RYR2: variants seen among roughly 807,000 people sequenced by gnomAD.
RYR2 encodes ryanodine receptor 2.
A neutral mutation model predicts 601.1 loss-of-function variants in RYR2; 227 were observed. The ratio of observed to expected loss-of-function variants is 0.38; its 90% CI spans 0.34 to 0.42. The LOEUF (loss-of-function observed/expected upper bound fraction) is 0.42. RYR2 is among the 10% of genes least tolerant of loss of function. The pLI, the probability that RYR2 is intolerant of heterozygous loss-of-function variation, is 1.00. For synonymous variants in RYR2, 2,223 were observed against 2,175.1 expected (o/e 1.02, Z -0.61); for missense variants, 4,646 against 6,156.5 (o/e 0.75, Z 8.21).
At chr1:237,088,576 T>A (rs1666615592) in intron 1 of RYR2, among the ~76,000 whole-genome samples, 1 of 152,222 alleles carries the variant, frequency 6.6e-6, no homozygotes, top group South Asian at 2.1e-4. Context: ...TGTACGTTTC[T>A]TTTTCTAAGT....
At chr1:237,627,764 T>C in intron 40 of RYR2, 43 bp from the exon 41 acceptor site, 3 of 1,513,734 alleles carry the variant, frequency 2.0e-6, no homozygotes, top group Non-Finnish European at 2.7e-6. Flanking sequence ...TGATTTGTCT[T>C]CTCTTATTTT....
At position 237,500,707 on chromosome 1, in the gene RYR2, A is replaced by G. The variant is rs375587672; in HGVS notation, c.2204-4A>G. 3 of 1,591,982 alleles carry G rather than the reference A, an allele frequency of 1.9e-6. No individual in the cohort carries two copies. Among genetic ancestry groups the G allele is most frequent in the East Asian group, 2.2e-5 (1 of 44,486 alleles). On this transcript the variant is annotated splice_region_variant and splice_polypyrimidine_tract_variant and intron_variant, in intron 20 of 104. Transcript: ENST00000366574. The stretch of plus-strand genomic sequence containing the variant: ...GACCTTCCTTAATGTTTTCCCCCCA[A>G]TAGGTTGTATTGCTCGTACTGTAAG...
chr1:237,767,135 C>T (rs74412575), intron 84 of RYR2, among the ~76,000 whole-genome samples: 1,686 of 152,222 alleles, frequency 0.011, 15 homozygotes, highest in Non-Finnish European at 0.018. Context: ...CATGATGAAA[C>T]GAAGGCTCAG....
rs555776600 is a variant in RYR2 at position 237,484,461 on chromosome 1, C to T, written c.1709-7345C>T. On this transcript the variant is annotated intron_variant, in intron 17 of 104. Transcript: ENST00000366574. ...AGCGTCATGGCTTGCTTTGTCCCCA[C>T]GTTGGCCTCCTGTGCCTGTGTGGCT... is the stretch of plus-strand genomic sequence containing the variant. 3.3e-5 allele frequency among the ~76,000 whole-genome samples: 5 copies of T among 152,192 alleles called. 1 individual carries two copies. The highest frequency in any genetic ancestry group is 4.1e-4 in the South Asian group (2 of 4,832).
At chr1:237,145,671 T>C (rs186343283) in intron 1 of RYR2, among the ~76,000 whole-genome samples, 1 of 152,188 alleles carries the variant, frequency 6.6e-6, no homozygotes, top group Non-Finnish European at 1.5e-5. Context: ...AGACCTACTA[T>C]ACCCATAAAC....
At chr1:237,073,315 T>C (rs1179814009) in intron 1 of RYR2, among the ~76,000 whole-genome samples, 1 of 152,146 alleles carries the variant, frequency 6.6e-6, no homozygotes, top group African/African-American at 2.4e-5. Flanking sequence ...ATATACAACG[T>C]GGACCACACA....
At chr1:237,587,924 G>A (rs751845088) in intron 29 of RYR2, among the ~76,000 whole-genome samples, 1 of 152,100 alleles carries the variant, frequency 6.6e-6, no homozygotes, top group Non-Finnish European at 1.5e-5. Context: ...TTTCTATCTT[G>A]GTAGCTCCTA....
intron 1 of RYR2, among the ~76,000 whole-genome samples, chr1:237,190,353 A>G (rs1465189650): frequency 6.6e-6 from 1 of 152,106 alleles, no homozygotes; most frequent in Admixed American, 6.6e-5. Context: ...CATTTCTCTT[A>G]TTGAGGTATT....
chr1:237,406,167 T>C (rs1284482506), intron 10 of RYR2, among the ~76,000 whole-genome samples: 5 of 33,646 alleles, frequency 1.5e-4, no homozygotes, highest in African/African-American at 5.0e-4. Flanking sequence ...TCCCTTCCCT[T>C]CCCTTCCCTC....
In RYR2 at chr1:237,137,107, A is replaced by G. The variant is rs544368666; in HGVS notation, c.48+94538A>G. 2.6e-5 allele frequency among the ~76,000 whole-genome samples: 4 copies of G among 151,718 alleles called. No individual in the cohort carries two copies. In the South Asian group the frequency reaches 6.2e-4, roughly 24 times the overall value. On this transcript the variant is annotated intron_variant, in intron 1 of 104. Coordinates refer to ENST00000366574, the MANE Select transcript of RYR2 (RefSeq NM_001035.3). ...TACCATACTGTTCATGGGCTATACT[A>G]TGGACTTTGCAAAAGTTTACTTTAC...
rs368974917 is a variant in RYR2 at position 237,270,524 on chromosome 1, G to A, written c.76G>A (p.Ala26Thr). 2.7e-5 allele frequency: 43 copies of A among 1,591,684 alleles called. No individual in the cohort carries two copies. Among genetic ancestry groups the A allele is most frequent in the Admixed American group, 2.1e-4 (12 of 56,470 alleles). ...TGATGAAGTGGTTCTGCAGTGCACC[G>A]CAACCATCCACAAAGAACAACAGAA... Reference protein sequence around the residue: ...TDDEVVLQCTATIHKEQQKLC... With the variant: ...TDDEVVLQCTTTIHKEQQKLC... The change falls in exon 2 of 105, where the codon GCA (alanine) becomes ACA (threonine). Residue 26 changes from alanine (A) to threonine (T), a missense_variant. Around this residue, in one of 17 missense-constraint regions of RYR2, gnomAD observed 153 missense variants for 203.6 expected, o/e 0.75. Coordinates refer to ENST00000366574, the MANE Select transcript of RYR2 (RefSeq NM_001035.3).
At chr1:237,350,597 A>T (rs1399767368) in intron 3 of RYR2, among the ~76,000 whole-genome samples, 4 of 95,382 alleles carry the variant, frequency 4.2e-5, no homozygotes, top group African/African-American at 1.3e-4. Flanking sequence ...AAAAAAAAAA[A>T]AAAAAATATA....
In RYR2 at chr1:237,589,926, C is replaced by T. The variant is rs1327517169; in HGVS notation, c.3732C>T (p.Asn1244=). 1 of 1,613,898 alleles carries T rather than the reference C, an allele frequency of 6.2e-7. No homozygotes were observed. ...EGYEPFAVNT[N]RDITMWLSKR... ...ATGAACCATTTGCCGTTAATACAAA[C>T]AGGGATATTACCATGTGGCTGAGCA... Residue 1244 remains asparagine, a synonymous_variant, in exon 30 of 105, where the codon AAC becomes AAT. Coordinates refer to ENST00000366574, the MANE Select transcript of RYR2 (RefSeq NM_001035.3).
At chr1:237,798,780 A>G (rs1399388694) in intron 97 of RYR2, among the ~76,000 whole-genome samples, 4 of 86,668 alleles carry the variant, frequency 4.6e-5, no homozygotes, top group African/African-American at 1.5e-4. Context: ...TAAATGTCAC[A>G]CACACACACA....
intron 1 of RYR2, among the ~76,000 whole-genome samples, chr1:237,191,415 T>TG (rs1281093813): frequency 2.5e-5 from 3 of 119,510 alleles, no homozygotes; most frequent in South Asian, 2.6e-4. Context: ...TTGAATTTTA[T>TG]GGGTTTTTTT....
At position 237,080,660 on chromosome 1, in the gene RYR2, G is replaced by A. The variant is rs983161974; in HGVS notation, c.48+38091G>A. Among the ~76,000 whole-genome samples, 2 of 65,080 alleles carry A rather than the reference G, an allele frequency of 3.1e-5. 1 individual carries two copies. Among genetic ancestry groups the A allele is most frequent in the Non-Finnish European group, 8.1e-5 (2 of 24,552 alleles). The allele number at this position is 65,080 out of a possible 152,430, so 42.7% of individuals were successfully genotyped here. On this transcript the variant is annotated intron_variant, in intron 1 of 104. Transcript: ENST00000366574. ...TGCTGGAGAGGATGTGGAGAAATAG[G>A]AACACTTTTACACTGTTGGTGGGAC...
intron 2 of RYR2, among the ~76,000 whole-genome samples, chr1:237,301,855 G>A (rs868443171): frequency 2.0e-5 from 3 of 152,132 alleles, no homozygotes; most frequent in Admixed American, 1.3e-4. Flanking sequence ...GAGAGAAAAA[G>A]CTAGAGATGA....
intron 2 of RYR2, among the ~76,000 whole-genome samples, chr1:237,291,369 C>G (rs186499044): frequency 2.0e-4 from 31 of 152,174 alleles, no homozygotes; most frequent in African/African-American, 7.0e-4. Context: ...CTTTGGAGAA[C>G]AGTTTGGCAG....
At chr1:237,135,941 G>A (rs1370264634) in intron 1 of RYR2, among the ~76,000 whole-genome samples, 1 of 152,198 alleles carries the variant, frequency 6.6e-6, no homozygotes, top group East Asian at 1.9e-4. Context: ...GGGGCCCCTG[G>A]GGAGTGCTGG....
Sources: allele counts gnomAD v4.1 joint callset (sites outside exome capture counted in the v4.1 genomes callset), GRCh38; gene constraint gnomAD v4.1.1; regional missense constraint gnomAD v4.1.1; transcripts MANE v1.5; gene names NCBI Gene and HGNC (gene_info 2026-07-23, HGNC 2026-07-21).